Variants in PKD1L1 observed in about 807,000 individuals in gnomAD.
PKD1L1 encodes the protein polycystin-1-like protein 1.
A neutral mutation model predicts 323.4 loss-of-function variants in PKD1L1; 236 were observed. The ratio of observed to expected loss-of-function variants is 0.73; its 90% CI spans 0.66 to 0.81. The LOEUF (loss-of-function observed/expected upper bound fraction) is 0.81. PKD1L1 is among the 40% of genes least tolerant of loss of function. PKD1L1 has a pLI of 0.00. For missense variants in PKD1L1, 3,320 were observed against 3,508.0 expected, an observed-to-expected ratio of 0.95 and a Z score of 1.35; for synonymous variants, 1,344 against 1,335.0, an observed-to-expected ratio of 1.01 and a Z score of -0.15.
chr7:47,943,660 G>C lies in PKD1L1; in HGVS notation c.45-149C>G, dbSNP rs142972051. ...GGCTGCCATATGAACAAAAAGACTC[G>C]CATCTATGGTTCTTTTCACTTCATA... is the stretch of plus-strand genomic sequence containing the variant. On this transcript the variant is annotated intron_variant, in intron 1 of 56. Coordinates refer to ENST00000289672, the MANE Select transcript of PKD1L1 (RefSeq NM_138295.5). The C allele has an allele frequency of 1.1e-3, 701 of 612,844 alleles. 2 individuals are homozygous for C. The highest frequency in any genetic ancestry group is 3.1e-3 in the South Asian group (155 of 50,724). The allele number at this position is 612,844 out of a possible 1,614,324, so 38.0% of individuals were successfully genotyped here. A position where few individuals can be genotyped will look rare whatever the true frequency, so the allele number is the denominator to read the frequency against.
intron 15 of PKD1L1, among the ~76,000 whole-genome samples, chr7:47,892,483 AG>A (rs36015617): frequency 6.6e-6 from 1 of 152,142 alleles, no homozygotes; most frequent in Non-Finnish European, 1.5e-5. Context: ...TTGAGTAAAA[AG>A]GGGGTGCTGG....
rs939784823 is a variant in PKD1L1, at chr7:47,939,507, C to T, written c.285+686G>A. Among the ~76,000 whole-genome samples the T allele has an allele frequency of 1.1e-4, 16 of 152,306 alleles. No individual in the cohort carries two copies. In the South Asian group the frequency reaches 1.7e-3, roughly 16 times the overall value. ...CACTCAGAAGTTTTCACTCTTCTCTCGGACCCCACCCACAGATGTGAGAGT... is the reference window on the plus strand; with the variant it reads ...CACTCAGAAGTTTTCACTCTTCTCTTGGACCCCACCCACAGATGTGAGAGT... On this transcript the variant is annotated intron_variant, in intron 3 of 56. Transcript: ENST00000289672.
At chr7:47,916,619 G>C (rs187715043) in intron 7 of PKD1L1, among the ~76,000 whole-genome samples, 34 of 152,262 alleles carry the variant, frequency 2.2e-4, no homozygotes, top group Admixed American at 2.0e-3. Flanking sequence ...GGTATACTTG[G>C]CTGAGAGACT....
At chr7:47,808,914 T>C (rs1413901971) in intron 51 of PKD1L1, among the ~76,000 whole-genome samples, 1 of 152,220 alleles carries the variant, frequency 6.6e-6, no homozygotes, top group Non-Finnish European at 1.5e-5. Context: ...ACTAAATTTG[T>C]AAACACGTTT....
intron 9 of PKD1L1, among the ~76,000 whole-genome samples, chr7:47,906,301 C>A (rs992651434): frequency 6.6e-6 from 1 of 152,186 alleles, no homozygotes; most frequent in African/African-American, 2.4e-5. Flanking sequence ...GTCTTCACTT[C>A]ACAGGAGTTC....
At chr7:47,848,949 A>G (rs896492665) in intron 31 of PKD1L1, among the ~76,000 whole-genome samples, 2 of 152,240 alleles carry the variant, frequency 1.3e-5, no homozygotes, top group Non-Finnish European at 2.9e-5. Context: ...TTCAAACTAT[A>G]CAACGAGGCT....
chr7:47,944,687 T>A (rs1563002517), intron 1 of PKD1L1, among the ~76,000 whole-genome samples: 1 of 152,212 alleles, frequency 6.6e-6, no homozygotes, highest in Admixed American at 6.5e-5. Flanking sequence ...AGCTGGTGAC[T>A]TTCCCTCTGG....
In PKD1L1 at chr7:47,885,553, G is replaced by A. The variant is rs956761999; in HGVS notation, c.3205+133C>T. 4.8e-6 allele frequency: 6 copies of A among 1,243,308 alleles called. No homozygotes were observed. In the African/African-American group the frequency reaches 7.6e-5, roughly 16 times the overall value. 77.0% of individuals were successfully genotyped at this position (1,243,308 alleles called of 1,614,324 possible). On this transcript the variant is annotated intron_variant, in intron 18 of 56. Transcript: ENST00000289672. Reference sequence around the variant, plus strand: ...ATTGCACAACCAGCAAGTGGTGGGTGTGAACCTGGCGCTTTCTGATTTAAA... The same window carrying A: ...ATTGCACAACCAGCAAGTGGTGGGTATGAACCTGGCGCTTTCTGATTTAAA...
At position 47,831,762 on chromosome 7, in the gene PKD1L1, C is replaced by G. The variant is rs548002641; in HGVS notation, c.6338-410G>C. On this transcript the variant is annotated intron_variant, in intron 41 of 56. Transcript: ENST00000289672. ...GCTTTTGGGGATCTCCTCTTCTGAC[C>G]TGCATAGGGACCTATGGGTCCCCAA... 2.0e-5 allele frequency among the ~76,000 whole-genome samples: 3 copies of G among 152,308 alleles called. No individual in the cohort carries two copies. In the East Asian group the frequency reaches 5.8e-4, roughly 29 times the overall value.
chr7:47,848,140 G>T (rs1785703321), intron 31 of PKD1L1, among the ~76,000 whole-genome samples: 1 of 152,132 alleles, frequency 6.6e-6, no homozygotes, highest in South Asian at 2.1e-4. Context: ...TTCAGACACT[G>T]CTGGAGGTAA....
At chr7:47,791,240 T>G (rs1369894418) in intron 56 of PKD1L1, among the ~76,000 whole-genome samples, 1 of 152,226 alleles carries the variant, frequency 6.6e-6, no homozygotes, top group Non-Finnish European at 1.5e-5. Context: ...CTTCCTGGTC[T>G]GATTTCCATG....
chr7:47,921,994 A>G (rs1292820951), intron 7 of PKD1L1, among the ~76,000 whole-genome samples: 2 of 146,850 alleles, frequency 1.4e-5, no homozygotes, highest in Non-Finnish European at 3.0e-5. Context: ...TGCCATCTCC[A>G]CTCACTGCAA....
rs774076175 is a variant in PKD1L1, at chr7:47,855,285, C to T, written c.4591-20G>A. Reference sequence around the variant, plus strand: ...ACCAATCTTGGGGAACAAAGACCATCTCAGAGCAAATGACAGCAAGCAATG... The same window carrying T: ...ACCAATCTTGGGGAACAAAGACCATTTCAGAGCAAATGACAGCAAGCAATG... On this transcript the variant is annotated intron_variant, in intron 28 of 56. Coordinates refer to ENST00000289672, the MANE Select transcript of PKD1L1 (RefSeq NM_138295.5). 3.9e-5 allele frequency: 61 copies of T among 1,582,942 alleles called. No individual in the cohort carries two copies. The South Asian group carries it at 6.5e-4, about 17-fold the overall frequency.
intron 26 of PKD1L1, among the ~76,000 whole-genome samples, chr7:47,859,374 T>G (rs1785975610): frequency 1.3e-5 from 2 of 152,238 alleles, no homozygotes; most frequent in South Asian, 4.1e-4. Flanking sequence ...TTTTTCTTGA[T>G]GCCCTCCAGA....
chr7:47,830,064 A>G lies in PKD1L1; in HGVS notation c.6534T>C (p.Cys2178=). The G allele has an allele frequency of 7.4e-6, 12 of 1,614,166 alleles. No individual in the cohort carries two copies. The highest frequency in any genetic ancestry group is 1.0e-5 in the Non-Finnish European group (12 of 1,180,032). The change falls in exon 43 of 57, where the codon TGT becomes TGC. Residue 2178 remains cysteine, a synonymous_variant. Transcript: ENST00000289672. ...LHLLSLSVVC[C]IFITQPLMVC... is the part of the protein sequence containing the mutation. ...CCATAAGTGGCTGGGTGATGAAAAT[A>G]CAGCAGACCACGGAGAGGGACAGCA...
chr7:47,781,985 T>C (rs1393679201), intron 56 of PKD1L1, among the ~76,000 whole-genome samples: 1 of 152,194 alleles, frequency 6.6e-6, no homozygotes, highest in Non-Finnish European at 1.5e-5. Flanking sequence ...TTTGTGTGAG[T>C]CCATTCTGGG....
intron 7 of PKD1L1, among the ~76,000 whole-genome samples, chr7:47,926,426 A>G (rs1208243783): frequency 6.6e-5 from 10 of 152,148 alleles, no homozygotes; most frequent in African/African-American, 2.4e-4. Flanking sequence ...AGATGTATTG[A>G]TTGATATCTT....
At chr7:47,949,924 T>A (rs1357528410), upstream of PKD1L1, among the ~76,000 whole-genome samples, 2 of 152,146 alleles carry the variant, frequency 1.3e-5, no homozygotes, top group Non-Finnish European at 2.9e-5. Context: ...AACACACCTG[T>A]CTCCTGGGGC....
intron 7 of PKD1L1, among the ~76,000 whole-genome samples, chr7:47,916,696 C>A (rs1001548401): frequency 6.6e-6 from 1 of 152,148 alleles, no homozygotes; most frequent in Non-Finnish European, 1.5e-5. Context: ...ATCTGGTAGA[C>A]TCGCTGGGTG....
Sources: allele counts gnomAD v4.1 joint callset (sites outside exome capture counted in the v4.1 genomes callset), GRCh38; gene constraint gnomAD v4.1.1; transcripts MANE v1.5; gene names NCBI Gene and HGNC (gene_info 2026-07-23, HGNC 2026-07-21).